Variants in LRRC39 observed in about 807,000 individuals in gnomAD.
LRRC39 encodes leucine rich repeat containing 39.
Under a neutral mutation model 39.7 loss-of-function variants are expected in LRRC39, and 35 were observed. The observed-to-expected ratio is 0.88, with a 90% CI of 0.67 to 1.17. The LOEUF (loss-of-function observed/expected upper bound fraction) is 1.17, where lower values mean the gene tolerates loss of function less well. LRRC39 is among the 50% of genes most tolerant of loss of function. The probability of loss-of-function intolerance (pLI) is 0.00; values close to 1 mark genes in which losing one functional copy is unlikely to be tolerated. For synonymous variants in LRRC39, 113 were observed against 134.1 expected, an observed-to-expected ratio of 0.84 and a Z score of 1.09; for missense variants, 357 against 385.8, an observed-to-expected ratio of 0.93 and a Z score of 0.62.
intron 3 of LRRC39, among the ~76,000 whole-genome samples, chr1:100,163,190 A>G (rs984641963): frequency 6.6e-6 from 1 of 152,228 alleles, no homozygotes; most frequent in Non-Finnish European, 1.5e-5. Flanking sequence ...TATTCAAACA[A>G]TGGGCTTAAT....
chr1:100,172,392 A>G (rs1659673917), intron 2 of LRRC39, among the ~76,000 whole-genome samples: 1 of 152,224 alleles, frequency 6.6e-6, no homozygotes, highest in African/African-American at 2.4e-5. Flanking sequence ...CAATATAGGA[A>G]AAAGAAAATA....
intron 9 of LRRC39, 113 bp downstream of exon 9, chr1:100,152,272 A>T: frequency 8.9e-7 from 1 of 1,125,330 alleles, no homozygotes; most frequent in South Asian, 2.3e-5. Context: ...TTGACAGAAA[A>T]CTTAAGATGG....
At chr1:100,176,981 C>G (rs1660008018) in intron 1 of LRRC39, among the ~76,000 whole-genome samples, 2 of 152,046 alleles carry the variant, frequency 1.3e-5, no homozygotes. Flanking sequence ...AGTGGGGAAT[C>G]AACAGATACT....
chr1:100,162,255 C>T (rs887299990), intron 3 of LRRC39, among the ~76,000 whole-genome samples: 5 of 152,138 alleles, frequency 3.3e-5, no homozygotes, highest in Non-Finnish European at 7.3e-5. Flanking sequence ...TTACTTTTTA[C>T]ATATAAAAAT....
intron 6 of LRRC39, among the ~76,000 whole-genome samples, chr1:100,158,013 A>G (rs1212435403): frequency 6.6e-6 from 1 of 152,246 alleles, no homozygotes; most frequent in Non-Finnish European, 1.5e-5. Context: ...CAGTTTAACA[A>G]ATGATGTCAG....
At chr1:100,170,445 G>A (rs1659524879) in intron 2 of LRRC39, among the ~76,000 whole-genome samples, 1 of 152,156 alleles carries the variant, frequency 6.6e-6, no homozygotes, top group Non-Finnish European at 1.5e-5. Context: ...AGGCAAATCT[G>A]TAGATTCAAA....
At chr1:100,173,239 CA>C (rs1337385050) in intron 2 of LRRC39, 91 bp downstream of exon 2, 27 of 121,326 alleles carry the variant, frequency 2.2e-4, no homozygotes, top group Admixed American at 9.5e-4. Flanking sequence ...GACTCTGTCT[CA>C]AAAAAAAAAC....
intron 2 of LRRC39, among the ~76,000 whole-genome samples, chr1:100,169,418 A>G (rs113984863): frequency 2.0e-5 from 3 of 152,222 alleles, no homozygotes; most frequent in African/African-American, 7.2e-5. Context: ...TGGTGGTATT[A>G]TTATATTCTG....
chr1:100,155,613 A>G (rs950871826), intron 7 of LRRC39, among the ~76,000 whole-genome samples: 9 of 152,222 alleles, frequency 5.9e-5, no homozygotes, highest in African/African-American at 2.2e-4. Flanking sequence ...CTTGAAGAAG[A>G]ACTACTGTAA....
intron 5 of LRRC39, 126 bp from the exon 6 acceptor site, chr1:100,158,493 A>G (rs957218324): frequency 1.3e-6 from 1 of 742,430 alleles, no homozygotes; most frequent in Non-Finnish European, 2.0e-6. Context: ...GCTGGAGTGC[A>G]GTGGCGCTAT....
At chr1:100,149,537 G>A in intron 9 of LRRC39, 1 of 1,187,950 alleles carries the variant, frequency 8.4e-7, no homozygotes, top group East Asian at 2.8e-5. Context: ...TCACAAATTT[G>A]AAATAATTTC....
At chr1:100,156,975 C>T (rs565201085) in intron 6 of LRRC39, among the ~76,000 whole-genome samples, 18 of 152,040 alleles carry the variant, frequency 1.2e-4, no homozygotes, top group African/African-American at 4.3e-4. Flanking sequence ...AAAGGTGAGA[C>T]TCTGTCTCAA....
upstream of LRRC39, among the ~76,000 whole-genome samples, chr1:100,179,009 T>C (rs1293008906): frequency 6.6e-6 from 1 of 152,162 alleles, no homozygotes; most frequent in Non-Finnish European, 1.5e-5. Context: ...CATACAAAAA[T>C]GGTAGCATAC....
chr1:100,156,397 T>A (rs1658451279), intron 6 of LRRC39, 80 bp from the exon 7 acceptor site: 11 of 1,319,110 alleles, frequency 8.3e-6, no homozygotes, highest in Non-Finnish European at 1.0e-5. Flanking sequence ...AAAGGAGATA[T>A]TTCACATCCA....
At chr1:100,174,619 G>T (rs1358514549) in intron 1 of LRRC39, among the ~76,000 whole-genome samples, 1 of 152,016 alleles carries the variant, frequency 6.6e-6, no homozygotes, top group Non-Finnish European at 1.5e-5. Context: ...TTTTTTAAGA[G>T]AAATTATATT....
chr1:100,172,064 A>G (rs1190701897), intron 2 of LRRC39, among the ~76,000 whole-genome samples: 1 of 152,194 alleles, frequency 6.6e-6, no homozygotes, highest in African/African-American at 2.4e-5. Context: ...ACACACATGT[A>G]TAAAATTTTA....
chr1:100,168,447 T>A lies in LRRC39; in HGVS notation c.70A>T (p.Lys24Ter). Residue 24 changes from lysine to a stop codon, truncating the protein, a stop_gained, in exon 3 of 10, where the codon AAA (lysine) becomes TAA (stop). Coordinates refer to ENST00000370137, the MANE Select transcript of LRRC39 (RefSeq NM_144620.4). LOFTEE classifies it high-confidence loss of function. ...TCTCGCTTCAGGTCTTCATTGAGTT[T>A]CTTTATTCTTTTTTCCCAAACTTCC... ...VKEVWEKRIKKLNEDLKREKE... is the reference protein window; with the variant it reads ...VKEVWEKRIK 6.2e-7 allele frequency: 1 copy of A among 1,612,704 alleles called. No homozygotes were observed. Among genetic ancestry groups the A allele is most frequent in the Non-Finnish European group, 8.5e-7 (1 of 1,179,590 alleles).
intron 3 of LRRC39, among the ~76,000 whole-genome samples, chr1:100,162,660 A>T (rs1658974215): frequency 6.6e-6 from 1 of 152,128 alleles, no homozygotes; most frequent in Non-Finnish European, 1.5e-5. Flanking sequence ...AAGAAAGAAA[A>T]GAAACTGGAA....
chr1:100,171,188 G>A (rs987036502), intron 2 of LRRC39, among the ~76,000 whole-genome samples: 1 of 152,146 alleles, frequency 6.6e-6, no homozygotes, highest in African/African-American at 2.4e-5. Context: ...GGTTGCACAA[G>A]CAGTTTAAAA....
Sources: allele counts gnomAD v4.1 joint callset (sites outside exome capture counted in the v4.1 genomes callset), GRCh38; gene constraint gnomAD v4.1.1; transcripts MANE v1.5; gene names NCBI Gene and HGNC (gene_info 2026-07-23, HGNC 2026-07-21).